SPAG16: variants seen among roughly 807,000 people sequenced by gnomAD.
SPAG16 encodes sperm associated antigen 16, also known as sperm-associated antigen 16 protein.
A neutral mutation model predicts 80.4 loss-of-function variants in SPAG16; 86 were observed. The observed-to-expected ratio is 1.07, with a 90% confidence interval of 0.90 to 1.28. The LOEUF (loss-of-function observed/expected upper bound fraction) is 1.28. SPAG16 is among the 50% of genes most tolerant of loss of function. The pLI, the probability that SPAG16 is intolerant of heterozygous loss-of-function variation, is 0.00. For synonymous variants in SPAG16, 294 were observed against 265.9 expected (o/e 1.11, Z -1.03); for missense variants, 870 against 765.3 (o/e 1.14, Z -1.61).
intron 14 of SPAG16, among the ~76,000 whole-genome samples, chr2:214,114,038 G>A (rs1282550483): frequency 6.6e-6 from 1 of 151,486 alleles, no homozygotes; most frequent in Non-Finnish European, 1.5e-5. Context: ...TGATGTTGAT[G>A]CTATTCCTTT....
At chr2:213,832,005 AT>A (rs985944397) in intron 10 of SPAG16, among the ~76,000 whole-genome samples, 2 of 151,590 alleles carry the variant, frequency 1.3e-5, no homozygotes, top group Non-Finnish European at 2.9e-5. Context: ...TATTTTTTTA[AT>A]TTTTTATTTT....
intron 11 of SPAG16, among the ~76,000 whole-genome samples, chr2:213,891,209 CA>C (rs2076774582): frequency 6.6e-6 from 1 of 151,962 alleles, no homozygotes; most frequent in South Asian, 2.1e-4. Context: ...AATATAATTA[CA>C]ATTCTTAAGT....
intron 15 of SPAG16, among the ~76,000 whole-genome samples, chr2:214,197,932 G>T (rs1251290869): frequency 1.3e-5 from 2 of 151,460 alleles, no homozygotes; most frequent in African/African-American, 4.9e-5. Flanking sequence ...GTAATATTTA[G>T]GCCCAATTTG....
chr2:213,590,664 G>C (rs1304201389), intron 10 of SPAG16, among the ~76,000 whole-genome samples: 1 of 152,130 alleles, frequency 6.6e-6, no homozygotes, highest in Non-Finnish European at 1.5e-5. Context: ...ATGTTGCTAA[G>C]GTTGTGGAGA....
At chr2:213,451,472 A>G (rs187228483) in intron 9 of SPAG16, among the ~76,000 whole-genome samples, 4 of 152,188 alleles carry the variant, frequency 2.6e-5, no homozygotes, top group African/African-American at 9.7e-5. Context: ...ATATTCATAC[A>G]TGAACTCATA....
intron 13 of SPAG16, among the ~76,000 whole-genome samples, chr2:214,078,994 G>A (rs1394571599): frequency 6.6e-6 from 1 of 152,116 alleles, no homozygotes; most frequent in Admixed American, 6.6e-5. Context: ...AGCTGGGTTA[G>A]CGCTTGGTAA....
chr2:214,078,389 C>CA (rs1230406703), intron 13 of SPAG16, among the ~76,000 whole-genome samples: 1 of 151,818 alleles, frequency 6.6e-6, no homozygotes, highest in Non-Finnish European at 1.5e-5. Flanking sequence ...CCCATATCTA[C>CA]AAATAATAAA....
intron 10 of SPAG16, among the ~76,000 whole-genome samples, chr2:213,566,978 A>G (rs2059790581): frequency 6.6e-6 from 1 of 152,180 alleles, no homozygotes; most frequent in Non-Finnish European, 1.5e-5. Flanking sequence ...GTTAGCCAAC[A>G]GTTTTAAATA....
chr2:213,927,619 T>C (rs1012663177), intron 11 of SPAG16, among the ~76,000 whole-genome samples: 4 of 152,220 alleles, frequency 2.6e-5, no homozygotes, highest in African/African-American at 9.6e-5. Flanking sequence ...GGAATATTGT[T>C]TATATTTATT....
intron 1 of SPAG16, among the ~76,000 whole-genome samples, chr2:213,289,212 AT>A (rs2126049989): frequency 6.6e-6 from 1 of 152,310 alleles, no homozygotes; most frequent in South Asian, 2.1e-4. Flanking sequence ...CTGTAGATAA[AT>A]ATCTTAATCT....
chr2:213,868,572 A>ATTTTGAATGTAAATACAATGTCCAG (rs2075800898), intron 11 of SPAG16, among the ~76,000 whole-genome samples: 1 of 152,206 alleles, frequency 6.6e-6, no homozygotes, highest in Non-Finnish European at 1.5e-5. Flanking sequence ...TAGTAACATA[A>ATTTTGAATGTAAATACAATGTCCAG]TTTTGAATGT....
chr2:213,921,113 C>T (rs1279014366), intron 11 of SPAG16, among the ~76,000 whole-genome samples: 1 of 152,212 alleles, frequency 6.6e-6, no homozygotes, highest in African/African-American at 2.4e-5. Context: ...TTCCCTCCAT[C>T]CACTCTCACA....
intron 15 of SPAG16, among the ~76,000 whole-genome samples, chr2:214,201,745 C>A (rs2058015027): frequency 1.3e-5 from 2 of 152,178 alleles, no homozygotes; most frequent in African/African-American, 2.4e-5. Flanking sequence ...TGGAAATAAT[C>A]TTTTGGATCA....
intron 10 of SPAG16, among the ~76,000 whole-genome samples, chr2:213,861,042 C>T (rs2075433973): frequency 6.6e-6 from 1 of 152,088 alleles, no homozygotes; most frequent in Non-Finnish European, 1.5e-5. Flanking sequence ...CTTGAATTGG[C>T]CTTCTGAAAG....
intron 12 of SPAG16, among the ~76,000 whole-genome samples, chr2:213,982,748 A>G (rs2045822563): frequency 6.6e-6 from 1 of 151,774 alleles, no homozygotes; most frequent in Non-Finnish European, 1.5e-5. Context: ...GTAAAAGATA[A>G]CTGAACATGA....
chr2:213,867,568 A>G (rs2075741807), intron 11 of SPAG16, among the ~76,000 whole-genome samples: 1 of 152,194 alleles, frequency 6.6e-6, no homozygotes, highest in Non-Finnish European at 1.5e-5. Flanking sequence ...CTAGGCACAC[A>G]TATGTTCAAT....
chr2:213,462,962 C>A (rs1322042466), intron 9 of SPAG16, among the ~76,000 whole-genome samples: 2 of 152,168 alleles, frequency 1.3e-5, no homozygotes, highest in African/African-American at 4.8e-5. Flanking sequence ...CAGAAGAAGA[C>A]ACAAAGATTT....
intron 15 of SPAG16, chr2:214,239,105 A>C (rs189129193): frequency 5.3e-5 from 8 of 152,126 alleles, no homozygotes; most frequent in Non-Finnish European, 7.4e-5. Context: ...GTCAGAGCAT[A>C]TTGCAGCCCC....
chr2:213,529,122 A>G (rs527333285), intron 10 of SPAG16, among the ~76,000 whole-genome samples: 4 of 152,194 alleles, frequency 2.6e-5, no homozygotes, highest in African/African-American at 4.8e-5. Flanking sequence ...TCTACTTTAG[A>G]GCAGTAGGGA....
Sources: gnomAD v4.1 joint callset for allele counts (sites outside exome capture counted in the v4.1 genomes callset) on GRCh38, gnomAD v4.1.1 for gene constraint, MANE v1.5 for transcripts, NCBI Gene and HGNC (gene_info 2026-07-23, HGNC 2026-07-21) for gene names.